Variants in FYN observed in about 807,000 individuals in gnomAD.
FYN encodes FYN proto-oncogene, Src family tyrosine kinase.
FYN carries 10 observed loss-of-function variants against 70.2 expected under a neutral mutation model. The ratio of observed to expected loss-of-function variants is 0.14; its 90% CI spans 0.09 to 0.24. The LOEUF (loss-of-function observed/expected upper bound fraction) is 0.24. FYN is among the 10% of genes least tolerant of loss of function. The pLI is 1.00. For synonymous variants in FYN, 236 were observed against 248.6 expected (o/e 0.95, Z 0.48); for missense variants, 319 against 673.1 (o/e 0.47, Z 5.82).
intron 2 of FYN, among the ~76,000 whole-genome samples, chr6:111,830,749 C>A (rs1772990335): frequency 6.6e-6 from 1 of 151,548 alleles, no homozygotes; most frequent in African/African-American, 2.4e-5. Flanking sequence ...TTTATGACAA[C>A]CTATAATATT....
At chr6:111,728,100 G>A (rs995853388) in intron 3 of FYN, among the ~76,000 whole-genome samples, 1 of 152,256 alleles carries the variant, frequency 6.6e-6, no homozygotes, top group Non-Finnish European at 1.5e-5. Flanking sequence ...ACCATGGAAA[G>A]GCTCCAAGAA....
chr6:111,863,995 A>T (rs1467037973), intron 1 of FYN, among the ~76,000 whole-genome samples: 1 of 152,180 alleles, frequency 6.6e-6, no homozygotes, highest in Non-Finnish European at 1.5e-5. Flanking sequence ...AAAAGATGAG[A>T]AGCGTTCAGC....
In FYN at chr6:111,824,573, G is replaced by A. The variant is rs80085126; in HGVS notation, c.-82+22016C>T. Among the ~76,000 whole-genome samples the A allele has an allele frequency of 2.2e-4, 33 of 152,138 alleles. 1 individual carries two copies. In the East Asian group the frequency reaches 6.2e-3, roughly 28 times the overall value. ...TACATTTTTCTCTCTTGCATTCTTCGTTTTCAGGTCACATATAGTTCTCCT... is the reference window on the plus strand; with the variant it reads ...TACATTTTTCTCTCTTGCATTCTTCATTTTCAGGTCACATATAGTTCTCCT... On this transcript the variant is annotated intron_variant, in intron 2 of 13. Coordinates refer to ENST00000354650, the MANE Select transcript of FYN (RefSeq NM_002037.5).
intron 2 of FYN, among the ~76,000 whole-genome samples, chr6:111,795,104 A>C (rs1771761899): frequency 6.6e-6 from 1 of 152,248 alleles, no homozygotes; most frequent in Non-Finnish European, 1.5e-5. Flanking sequence ...AAAAATATCA[A>C]GGGAACTGTT....
intron 2 of FYN, among the ~76,000 whole-genome samples, chr6:111,791,619 G>C (rs989713949): frequency 3.3e-5 from 5 of 152,156 alleles, no homozygotes; most frequent in African/African-American, 1.2e-4. Context: ...TGCCAAGAAA[G>C]GAATGCCAAG....
chr6:111,744,147 C>G (rs1802105179), intron 3 of FYN, among the ~76,000 whole-genome samples: 2 of 152,212 alleles, frequency 1.3e-5, no homozygotes, highest in Non-Finnish European at 2.9e-5. Flanking sequence ...GCAAATGCAG[C>G]TTCAGCAGCC....
intron 2 of FYN, among the ~76,000 whole-genome samples, chr6:111,826,714 A>C (rs1463597358): frequency 1.3e-5 from 2 of 152,220 alleles, no homozygotes; most frequent in Non-Finnish European, 2.9e-5. Context: ...TCTAACAATG[A>C]CAGAATTTAC....
At chr6:111,771,262 CAA>C (rs1270427525) in intron 3 of FYN, among the ~76,000 whole-genome samples, 2 of 152,000 alleles carry the variant, frequency 1.3e-5, no homozygotes, top group Admixed American at 6.6e-5. Flanking sequence ...ACACAAAGAA[CAA>C]AGAGTGCAAG....
intron 10 of FYN, among the ~76,000 whole-genome samples, chr6:111,695,045 T>C (rs534686814): frequency 5.9e-5 from 9 of 152,284 alleles, no homozygotes; most frequent in African/African-American, 2.2e-4. Context: ...CAATCACCCC[T>C]GCACAAAGAA....
chr6:111,864,213 G>A (rs1190110460), intron 1 of FYN, among the ~76,000 whole-genome samples: 1 of 152,124 alleles, frequency 6.6e-6, no homozygotes, highest in African/African-American at 2.4e-5. Context: ...GAGCTGCTGG[G>A]CACCACCTCC....
chr6:111,855,745 T>G (rs1475985970), intron 1 of FYN, among the ~76,000 whole-genome samples: 1 of 152,238 alleles, frequency 6.6e-6, no homozygotes, highest in Non-Finnish European at 1.5e-5. Flanking sequence ...TAGTTGGAAG[T>G]CTTTGATCAA....
At chr6:111,721,222 C>T (rs1800921374) in intron 3 of FYN, among the ~76,000 whole-genome samples, 1 of 152,138 alleles carries the variant, frequency 6.6e-6, no homozygotes, top group Admixed American at 6.5e-5. Flanking sequence ...ATCCTCATCT[C>T]CCTCCTTCTG....
At chr6:111,715,941 T>G (rs1457781572) in intron 4 of FYN, among the ~76,000 whole-genome samples, 1 of 152,238 alleles carries the variant, frequency 6.6e-6, no homozygotes, top group Non-Finnish European at 1.5e-5. Context: ...AGTGTTCAAG[T>G]GTAAAGAAAA....
At chr6:111,703,237 C>A (rs114632025) in intron 7 of FYN, among the ~76,000 whole-genome samples, 2,112 of 152,252 alleles carry the variant, frequency 0.014, 51 homozygotes, top group African/African-American at 0.048. Context: ...TAAAATGATT[C>A]TGCCCTTGAG....
intron 10 of FYN, among the ~76,000 whole-genome samples, chr6:111,695,584 A>T (rs6903364): frequency 0.046 from 7,082 of 152,324 alleles, 476 homozygotes; most frequent in African/African-American, 0.15. Flanking sequence ...CAGAAAAAAA[A>T]ATTCCCATTA....
At chr6:111,662,253 A>T (rs1230856268) in intron 13 of FYN, among the ~76,000 whole-genome samples, 1 of 152,214 alleles carries the variant, frequency 6.6e-6, no homozygotes, top group Non-Finnish European at 1.5e-5. Context: ...CATCTATAGA[A>T]AGCAGATCAG....
intron 2 of FYN, among the ~76,000 whole-genome samples, chr6:111,822,495 G>A (rs1234196531): frequency 5.3e-5 from 8 of 150,942 alleles, no homozygotes; most frequent in Non-Finnish European, 8.8e-5. Flanking sequence ...TGGGGGGAGC[G>A]GGGAGGGAAA....
In FYN at chr6:111,785,218, CT is replaced by C. The variant is rs560971732; in HGVS notation, c.-81-4584del. 6.6e-5 allele frequency among the ~76,000 whole-genome samples: 10 copies of C among 152,344 alleles called. No individual in the cohort carries two copies. The East Asian group carries it at 1.9e-3, about 29-fold the overall frequency. Reference sequence around the variant, plus strand: ...CTCTTTCCTGGTACATACAATTCCACTGTCCCAACTGTCATCCCATGGGATA... The same window carrying C: ...CTCTTTCCTGGTACATACAATTCCACGTCCCAACTGTCATCCCATGGGATA... On this transcript the variant is annotated intron_variant, in intron 2 of 13. Coordinates refer to ENST00000354650, the MANE Select transcript of FYN (RefSeq NM_002037.5).
At chr6:111,752,770 T>G (rs1802544887) in intron 3 of FYN, among the ~76,000 whole-genome samples, 1 of 152,124 alleles carries the variant, frequency 6.6e-6, no homozygotes, top group Non-Finnish European at 1.5e-5. Flanking sequence ...GGCAGCTCCA[T>G]GCAGAATGGC....
Sources: allele counts gnomAD v4.1 joint callset (sites outside exome capture counted in the v4.1 genomes callset), GRCh38; gene constraint gnomAD v4.1.1; transcripts MANE v1.5; gene names NCBI Gene and HGNC (gene_info 2026-07-23, HGNC 2026-07-21).